The following PRKN variants were observed in gnomAD, a reference collection of about 807,000 sequenced individuals.
The protein encoded by PRKN is parkin RBR E3 ubiquitin protein ligase.
PRKN carries 56 observed loss-of-function variants against 59.5 expected under a neutral mutation model. The ratio of observed to expected loss-of-function variants is 0.94; its 90% CI spans 0.76 to 1.18. PRKN has a LOEUF of 1.18. PRKN is among the 50% of genes most tolerant of loss of function. The probability of loss-of-function intolerance (pLI) is 0.00; values close to 1 mark genes in which losing one functional copy is unlikely to be tolerated. For synonymous variants in PRKN, 250 were observed against 222.1 expected (o/e 1.13, Z -1.12); for missense variants, 657 against 596.4 (o/e 1.10, Z -1.06).
intron 7 of PRKN, among the ~76,000 whole-genome samples, chr6:161,737,809 C>T (rs1302280147): frequency 6.6e-6 from 1 of 152,170 alleles, no homozygotes; most frequent in Non-Finnish European, 1.5e-5. Context: ...CTGTTCAGGG[C>T]AGGATGCGAT....
At chr6:161,800,278 T>A (rs1158290269) in intron 6 of PRKN, among the ~76,000 whole-genome samples, 4 of 152,112 alleles carry the variant, frequency 2.6e-5, no homozygotes. Flanking sequence ...GAGTGCTTGA[T>A]GTCTCCTACC....
At chr6:161,760,513 G>T (rs2128198321) in intron 7 of PRKN, among the ~76,000 whole-genome samples, 1 of 151,982 alleles carries the variant, frequency 6.6e-6, no homozygotes, top group East Asian at 2.0e-4. Context: ...GAGGAGCCTG[G>T]CCCCTCCTCC....
At position 162,476,134 on chromosome 6, in the gene PRKN, T is replaced by G. The variant is rs970186094; in HGVS notation, c.8-32661A>C. On this transcript the variant is annotated intron_variant, in intron 1 of 11. Transcript: ENST00000366898. ...GTGCAATGGCACGATCTCAGCTCAC[T>G]GCAACCTCCGCCTCTCGGTTTCAAA... Among the ~76,000 whole-genome samples the G allele has an allele frequency of 2.0e-5, 3 of 148,988 alleles. No individual in the cohort carries two copies. In the East Asian group the frequency reaches 6.0e-4, roughly 30 times the overall value.
intron 7 of PRKN, among the ~76,000 whole-genome samples, chr6:161,697,849 G>T (rs9456700): frequency 0.033 from 5,045 of 152,106 alleles, 290 homozygotes; most frequent in African/African-American, 0.11. Context: ...AAATGTCAGG[G>T]TCCATGTTCA....
intron 7 of PRKN, among the ~76,000 whole-genome samples, chr6:161,688,263 T>C (rs1276947258): frequency 2.0e-5 from 3 of 152,188 alleles, no homozygotes; most frequent in Non-Finnish European, 4.4e-5. Flanking sequence ...GCCAGGACCA[T>C]CATGGGAAAG....
intron 9 of PRKN, among the ~76,000 whole-genome samples, chr6:161,431,405 A>AAC (rs1788641012): frequency 6.6e-6 from 1 of 151,964 alleles, no homozygotes; most frequent in Non-Finnish European, 1.5e-5. Context: ...TTCCTTTTAG[A>AAC]TGTGGTACAC....
chr6:161,711,800 A>G (rs1024699171), intron 7 of PRKN, among the ~76,000 whole-genome samples: 1 of 152,186 alleles, frequency 6.6e-6, no homozygotes, highest in Non-Finnish European at 1.5e-5. Flanking sequence ...TCTTTCTCCC[A>G]TGCTGGATGC....
intron 6 of PRKN, among the ~76,000 whole-genome samples, chr6:161,899,651 T>C (rs1777807674): frequency 6.6e-6 from 1 of 152,220 alleles, no homozygotes; most frequent in Non-Finnish European, 1.5e-5. Context: ...TGATATCACC[T>C]GCTTATCTTC....
chr6:162,440,920 G>C (rs1395289146), intron 2 of PRKN, among the ~76,000 whole-genome samples: 5 of 151,594 alleles, frequency 3.3e-5, no homozygotes, highest in Admixed American at 3.3e-4. Flanking sequence ...AATTCTGCCA[G>C]TTGTACACTT....
intron 4 of PRKN, among the ~76,000 whole-genome samples, chr6:162,173,842 A>G (rs1783404814): frequency 6.6e-6 from 1 of 152,188 alleles, no homozygotes; most frequent in South Asian, 2.1e-4. Flanking sequence ...AGGAATAAAT[A>G]AGATAATGGG....
chr6:162,669,745 C>G (rs1404199442), intron 1 of PRKN, among the ~76,000 whole-genome samples: 2 of 152,190 alleles, frequency 1.3e-5, no homozygotes, highest in East Asian at 3.9e-4. Context: ...ATTTGGCCCT[C>G]AGTTGGCACT....
chr6:162,604,546 A>G (rs935046222), intron 1 of PRKN, among the ~76,000 whole-genome samples: 2 of 152,146 alleles, frequency 1.3e-5, no homozygotes, highest in African/African-American at 2.4e-5. Flanking sequence ...ATTTTAGAGC[A>G]TATTTCTAGA....
chr6:161,992,511 G>C (rs1055114426), intron 5 of PRKN, among the ~76,000 whole-genome samples: 1 of 152,064 alleles, frequency 6.6e-6, no homozygotes, highest in Non-Finnish European at 1.5e-5. Flanking sequence ...ACAACAGTTG[G>C]GGGCTTCAAT....
At chr6:161,999,136 T>C (rs1243429573) in intron 5 of PRKN, among the ~76,000 whole-genome samples, 1 of 152,032 alleles carries the variant, frequency 6.6e-6, no homozygotes, top group Non-Finnish European at 1.5e-5. Context: ...CAAGCGATTC[T>C]CCTATAAACC....
chr6:162,339,066 G>A (rs1161228583), intron 2 of PRKN, among the ~76,000 whole-genome samples: 50 of 146,474 alleles, frequency 3.4e-4, no homozygotes, highest in African/African-American at 1.1e-3. Context: ...CAGCCGCCCC[G>A]TCTGAGAAGT....
intron 9 of PRKN, among the ~76,000 whole-genome samples, chr6:161,540,742 T>C (rs2115408390): frequency 6.6e-6 from 1 of 152,364 alleles, no homozygotes; most frequent in Admixed American, 6.5e-5. Context: ...GTTTAGGAAA[T>C]GCTGAGTGTG....
chr6:161,996,932 T>A (rs547306278), intron 5 of PRKN, among the ~76,000 whole-genome samples: 1 of 152,238 alleles, frequency 6.6e-6, no homozygotes, highest in South Asian at 2.1e-4. Context: ...CACTTACATG[T>A]GCCCCTTGAC....
At chr6:162,127,671 T>C (rs1781176737) in intron 4 of PRKN, among the ~76,000 whole-genome samples, 1 of 152,208 alleles carries the variant, frequency 6.6e-6, no homozygotes, top group African/African-American at 2.4e-5. Flanking sequence ...AAACTTTTCC[T>C]AGAAATTATA....
rs1002620095 is a variant in PRKN, at chr6:161,593,143, C to T, written c.872-23727G>A. Among the ~76,000 whole-genome samples, 10 of 152,078 alleles carry T rather than the reference C, an allele frequency of 6.6e-5. No individual in the cohort carries two copies. The highest frequency in any genetic ancestry group is 2.4e-4 in the African/African-American group (10 of 41,410). ...CTCTATATTTAAAAGGTGATCTGTC[C>T]CCTTACTGTATAGAAAATAATTACG... is the stretch of plus-strand genomic sequence containing the variant. On this transcript the variant is annotated intron_variant, in intron 7 of 11. Transcript: ENST00000366898. This position sits in a 1 kb window ranked among gnomAD's most constrained non-coding sequence, Gnocchi z 4.8.
Sources: allele counts gnomAD v4.1 joint callset (sites outside exome capture counted in the v4.1 genomes callset), GRCh38; gene constraint gnomAD v4.1.1; non-coding constraint Gnocchi (gnomAD v3.1); transcripts MANE v1.5; gene names NCBI Gene and HGNC (gene_info 2026-07-23, HGNC 2026-07-21).